Variants in SHISA6 observed in about 807,000 individuals in gnomAD.
SHISA6 encodes protein shisa-6.
A neutral mutation model predicts 47.9 loss-of-function variants in SHISA6; 22 were observed. The observed-to-expected ratio is 0.46, with a 90% CI of 0.33 to 0.66. The LOEUF is 0.66. Ranked by LOEUF, SHISA6 falls within the 30% of genes least tolerant of loss-of-function variation. The pLI is 0.02. For synonymous variants in SHISA6, 388 were observed against 337.8 expected (o/e 1.15, Z -1.63); for missense variants, 680 against 764.6 (o/e 0.89, Z 1.30).
intron 2 of SHISA6, among the ~76,000 whole-genome samples, chr17:11,274,445 G>A (rs895297246): frequency 6.6e-6 from 1 of 152,182 alleles, no homozygotes; most frequent in African/African-American, 2.4e-5. Context: ...GAGGGTGCTG[G>A]GCAAGGGCGG....
intron 2 of SHISA6, among the ~76,000 whole-genome samples, chr17:11,311,380 CA>C (rs761542632): frequency 6.6e-6 from 1 of 151,460 alleles, no homozygotes; most frequent in Non-Finnish European, 1.5e-5. Flanking sequence ...TGCATTTATG[CA>C]GGTGAGATTT....
intron 2 of SHISA6, among the ~76,000 whole-genome samples, chr17:11,268,279 T>C (rs557415820): frequency 5.7e-4 from 86 of 152,148 alleles, no homozygotes; most frequent in African/African-American, 2.0e-3. Context: ...GAGCCAAGGG[T>C]CATGACTCTC....
chr17:11,548,966 T>C (rs1375845586), intron 3 of SHISA6, among the ~76,000 whole-genome samples: 1 of 152,230 alleles, frequency 6.6e-6, no homozygotes, highest in East Asian at 1.9e-4. Flanking sequence ...TTTATCTGTG[T>C]GCATAAGTAA....
In SHISA6 at chr17:11,263,268, C is replaced by T. The variant is rs895075049; in HGVS notation, c.639-98C>T. 5.8e-5 allele frequency: 73 copies of T among 1,250,050 alleles called. No individual in the cohort carries two copies. In the Admixed American group the frequency reaches 8.3e-4, roughly 14 times the overall value. The allele number at this position is 1,250,050 out of a possible 1,614,324, so 77.4% of individuals were successfully genotyped here. On this transcript the variant is annotated intron_variant, in intron 1 of 5. Coordinates refer to ENST00000441885, the MANE Select transcript of SHISA6 (RefSeq NM_207386.4). ...ATGCTGTCTCTGTCTCTTCCTGCAT[C>T]TCTGTAAATCAAAGGGCATATGAAA...
chr17:11,346,252 A>G lies in SHISA6; in HGVS notation c.800-33162A>G, dbSNP rs376829019. Among the ~76,000 whole-genome samples the G allele has an allele frequency of 7.2e-5, 11 of 152,278 alleles. No individual in the cohort carries two copies. In the East Asian group the frequency reaches 1.2e-3, roughly 16 times the overall value. The stretch of plus-strand genomic sequence containing the variant: ...AAGAAAAGACAAAACTTAAAAAAGG[A>G]AAAATTTATTAATATGGTACATTAC... On this transcript the variant is annotated intron_variant, in intron 2 of 5. Coordinates refer to ENST00000441885, the MANE Select transcript of SHISA6 (RefSeq NM_207386.4).
chr17:11,433,542 T>C (rs1914849527), intron 3 of SHISA6, among the ~76,000 whole-genome samples: 1 of 151,532 alleles, frequency 6.6e-6, no homozygotes, highest in Non-Finnish European at 1.5e-5. Context: ...ATAATAAACA[T>C]ACATGTGTGT....
At chr17:11,492,095 G>A (rs1041101096) in intron 3 of SHISA6, among the ~76,000 whole-genome samples, 1 of 152,170 alleles carries the variant, frequency 6.6e-6, no homozygotes, top group Non-Finnish European at 1.5e-5. Flanking sequence ...GAAAAGTGAA[G>A]TGTGATGTGA....
intron 3 of SHISA6, among the ~76,000 whole-genome samples, chr17:11,439,269 G>C (rs757320404): frequency 6.6e-6 from 1 of 152,158 alleles, no homozygotes; most frequent in Non-Finnish European, 1.5e-5. Flanking sequence ...AAGGGGGTCG[G>C]AGGACTCTGG....
chr17:11,367,122 A>T (rs1912477829), intron 2 of SHISA6, among the ~76,000 whole-genome samples: 1 of 152,198 alleles, frequency 6.6e-6, no homozygotes, highest in South Asian at 2.1e-4. Context: ...TTCATAGAGA[A>T]GGACAGTGGA....
chr17:11,543,007 G>A (rs1415472689), intron 3 of SHISA6, among the ~76,000 whole-genome samples: 2 of 152,100 alleles, frequency 1.3e-5, no homozygotes. Context: ...TCTGTCTTCT[G>A]AATTGGGCTT....
chr17:11,277,205 G>T (rs1019512180), intron 2 of SHISA6, among the ~76,000 whole-genome samples: 11 of 148,722 alleles, frequency 7.4e-5, no homozygotes, highest in African/African-American at 2.7e-4. Flanking sequence ...GGAAGTCAAA[G>T]AATCTGGTCT....
In SHISA6 at chr17:11,555,886, A is replaced by T. The variant is rs2071973816; in HGVS notation, c.1099A>T (p.Arg367Trp). Residue 367 changes from arginine (R) to tryptophan (W), a missense_variant, in exon 5 of 6, where the codon AGG becomes TGG. Transcript: ENST00000441885. ...CCCCAGCAAGTATTCATCTCTGAAG[A>T]GGCTAAGTAAGTTGAATTTCCCCCA... ...TNPSKYSSLK[R>W]LTDKEADEYY... 1 of 1,524,124 alleles carries T rather than the reference A, an allele frequency of 6.6e-7. No homozygotes were observed. Among genetic ancestry groups the T allele is most frequent in the Non-Finnish European group, 8.8e-7 (1 of 1,133,918 alleles). 94.4% of individuals were successfully genotyped at this position (1,524,124 alleles called of 1,614,324 possible).
intron 3 of SHISA6, among the ~76,000 whole-genome samples, chr17:11,444,373 T>C (rs1915177761): frequency 6.6e-6 from 1 of 152,108 alleles, no homozygotes; most frequent in Non-Finnish European, 1.5e-5. Context: ...TTTTGTCTGT[T>C]GTGCTGTTAC....
chr17:11,545,041 A>G (rs944566734), intron 3 of SHISA6, among the ~76,000 whole-genome samples: 4 of 151,946 alleles, frequency 2.6e-5, no homozygotes, highest in African/African-American at 9.7e-5. Flanking sequence ...TATTCCAGGT[A>G]TATGAAGCTG....
rs1016135083 is a variant in SHISA6 at position 11,455,093 on chromosome 17, C to T, written c.895+75584C>T. 3.4e-4 allele frequency among the ~76,000 whole-genome samples: 51 copies of T among 152,142 alleles called. 1 individual carries two copies. Among genetic ancestry groups the T allele is most frequent in the South Asian group, 6.2e-4 (3 of 4,816 alleles). ...CTGAGGCAGGAGAATGGTGTGAACC[C>T]AGGAGGTGGAGCTTGCAGTGAGCCG... On this transcript the variant is annotated intron_variant, in intron 3 of 5. Coordinates refer to ENST00000441885, the MANE Select transcript of SHISA6 (RefSeq NM_207386.4).
At chr17:11,557,105 G>A (rs904735811) in intron 5 of SHISA6, among the ~76,000 whole-genome samples, 1 of 152,182 alleles carries the variant, frequency 6.6e-6, no homozygotes, top group African/African-American at 2.4e-5. Flanking sequence ...ATGTGGCTGT[G>A]TGGGGACTGG....
chr17:11,451,815 A>G (rs913003933), intron 3 of SHISA6, among the ~76,000 whole-genome samples: 6 of 152,268 alleles, frequency 3.9e-5, no homozygotes, highest in African/African-American at 1.4e-4. Flanking sequence ...CTGTGCTGTC[A>G]TGAGCTGTCC....
chr17:11,557,634 CTG>C, intron 5 of SHISA6, 118 bp from the exon 6 acceptor site: 1 of 973,156 alleles, frequency 1.0e-6, no homozygotes. Flanking sequence ...AGGAGTTTGA[CTG>C]TATTATCCCT....
At chr17:11,424,211 T>C (rs1364368871) in intron 3 of SHISA6, among the ~76,000 whole-genome samples, 1 of 152,092 alleles carries the variant, frequency 6.6e-6, no homozygotes, top group African/African-American at 2.4e-5. Flanking sequence ...CAATGTCACA[T>C]GTAACATTTT....
Sources: allele counts gnomAD v4.1 joint callset (sites outside exome capture counted in the v4.1 genomes callset), GRCh38; gene constraint gnomAD v4.1.1; transcripts MANE v1.5; gene names NCBI Gene and HGNC (gene_info 2026-07-23, HGNC 2026-07-21).